Variants in CNTNAP2 observed in about 807,000 individuals in gnomAD.
CNTNAP2 encodes contactin associated protein 2, also known as contactin-associated protein-like 2.
Under a neutral mutation model 155.2 loss-of-function variants are expected in CNTNAP2, and 98 were observed. The ratio of observed to expected loss-of-function variants is 0.63; its 90% CI spans 0.54 to 0.75. The LOEUF is 0.75. Among genes scored for constraint, CNTNAP2 ranks in the 30% least tolerant of loss-of-function variants. CNTNAP2 has a pLI of 0.00. For missense variants in CNTNAP2, 1,727 were observed against 1,688.1 expected (o/e 1.02, Z -0.40); for synonymous variants, 651 against 631.2 (o/e 1.03, Z -0.47).
intron 19 of CNTNAP2, among the ~76,000 whole-genome samples, chr7:148,227,830 A>C (rs1043611407): frequency 5.9e-5 from 9 of 151,996 alleles, no homozygotes; most frequent in Admixed American, 2.0e-4. Flanking sequence ...TTCCTTTGAA[A>C]TCCAGGAACA....
At chr7:147,566,334 G>A (rs986734744) in intron 12 of CNTNAP2, among the ~76,000 whole-genome samples, 6 of 127,744 alleles carry the variant, frequency 4.7e-5, no homozygotes, top group African/African-American at 8.9e-5. Flanking sequence ...AGGGGTAGAG[G>A]GAGGGGGAGG....
chr7:146,314,619 C>T (rs1004595267), intron 1 of CNTNAP2, among the ~76,000 whole-genome samples: 6 of 152,060 alleles, frequency 3.9e-5, no homozygotes, highest in Non-Finnish European at 7.4e-5. Context: ...GATTCAGGAG[C>T]GTGGAGTTCT....
chr7:147,790,666 C>T (rs76977067), intron 13 of CNTNAP2, among the ~76,000 whole-genome samples: 7,323 of 152,308 alleles, frequency 0.048, 249 homozygotes, highest in Middle Eastern at 0.099. Context: ...ATTCAATATT[C>T]GCCATCATTT....
chr7:146,774,233 G>A, intron 1 of CNTNAP2, 38 bp from the exon 2 acceptor site: 4 of 1,459,732 alleles, frequency 2.7e-6, no homozygotes, highest in South Asian at 2.3e-5. Context: ...CGAAATCGTT[G>A]TTGAGTGTCT....
At chr7:146,804,205 T>G (rs772737971) in intron 2 of CNTNAP2, among the ~76,000 whole-genome samples, 86 of 152,202 alleles carry the variant, frequency 5.7e-4, no homozygotes, top group Non-Finnish European at 1.1e-3. Flanking sequence ...AGAGATACTG[T>G]AATCATATGA....
At chr7:146,169,589 C>G (rs528483091) in intron 1 of CNTNAP2, among the ~76,000 whole-genome samples, 1 of 152,056 alleles carries the variant, frequency 6.6e-6, no homozygotes, top group African/African-American at 2.4e-5. Context: ...ACATTTGATT[C>G]TCAGAACTTA....
chr7:147,641,997 GGTGT>G (rs1216608708), intron 13 of CNTNAP2, among the ~76,000 whole-genome samples: 1 of 140,346 alleles, frequency 7.1e-6, no homozygotes, highest in African/African-American at 2.6e-5. Flanking sequence ...ACTTATCATA[GGTGT>G]GTGTGTGTGC....
At chr7:147,741,644 C>T (rs74616546) in intron 13 of CNTNAP2, among the ~76,000 whole-genome samples, 4,791 of 152,266 alleles carry the variant, frequency 0.031, 240 homozygotes, top group African/African-American at 0.11. Context: ...TATACTACCA[C>T]TGGAGTGTCA....
chr7:146,420,209 GAATTGGTT>G (rs977690092), intron 1 of CNTNAP2, among the ~76,000 whole-genome samples: 151 of 152,176 alleles, frequency 9.9e-4, no homozygotes, highest in African/African-American at 3.5e-3. Context: ...AGGTAACTTT[GAATTGGTT>G]AAAAAACCCA....
intron 13 of CNTNAP2, among the ~76,000 whole-genome samples, chr7:147,673,789 T>C (rs1429923738): frequency 1.3e-5 from 2 of 152,158 alleles, no homozygotes; most frequent in Non-Finnish European, 2.9e-5. Context: ...ATAATAGGAA[T>C]TTAAATGAAT....
rs906364306 is a variant in CNTNAP2 at position 148,313,359 on chromosome 7, C to A, written c.3475+46233C>A. Among the ~76,000 whole-genome samples, 22 of 151,644 alleles carry A rather than the reference C, an allele frequency of 1.5e-4. 1 individual carries two copies. The highest frequency in any genetic ancestry group is 3.9e-4 in the Admixed American group (6 of 15,208). ...GAAGATCTGGGAAGGAGTCAGAGAG[C>A]CTTAGGCCAGAGTTCCAGGGGCTCT... On this transcript the variant is annotated intron_variant, in intron 21 of 23. Transcript: ENST00000361727.
intron 19 of CNTNAP2, among the ~76,000 whole-genome samples, chr7:148,228,212 T>G (rs545891159): frequency 6.6e-6 from 1 of 152,278 alleles, no homozygotes; most frequent in Non-Finnish European, 1.5e-5. Flanking sequence ...AATTCCAATT[T>G]GAGTAACAAA....
At chr7:146,802,323 C>T (rs1280589068) in intron 2 of CNTNAP2, among the ~76,000 whole-genome samples, 7 of 152,232 alleles carry the variant, frequency 4.6e-5, no homozygotes, top group Admixed American at 3.3e-4. Flanking sequence ...CAATGGAAAA[C>T]CCCCCTTACA....
chr7:147,182,255 C>T (rs959678772), intron 8 of CNTNAP2, among the ~76,000 whole-genome samples: 1 of 151,778 alleles, frequency 6.6e-6, no homozygotes, highest in Non-Finnish European at 1.5e-5. Context: ...TGTGATAGTA[C>T]AGCCCATTAA....
chr7:146,841,790 T>G (rs1167033083), intron 3 of CNTNAP2, among the ~76,000 whole-genome samples: 1 of 152,094 alleles, frequency 6.6e-6, no homozygotes, highest in Non-Finnish European at 1.5e-5. Context: ...TGAACTTTAA[T>G]GTATCTGTCA....
At chr7:146,525,664 C>T (rs2129138133) in intron 1 of CNTNAP2, among the ~76,000 whole-genome samples, 1 of 152,114 alleles carries the variant, frequency 6.6e-6, no homozygotes, top group African/African-American at 2.4e-5. Context: ...AAGATATGTG[C>T]TTCAGTGACA....
At chr7:147,454,464 T>C (rs1213160365) in intron 10 of CNTNAP2, among the ~76,000 whole-genome samples, 3 of 152,180 alleles carry the variant, frequency 2.0e-5, no homozygotes, top group African/African-American at 4.8e-5. Context: ...TTGGGATATA[T>C]ATTCAGTATA....
intron 2 of CNTNAP2, among the ~76,000 whole-genome samples, chr7:146,799,716 T>C (rs926059294): frequency 1.3e-5 from 2 of 152,230 alleles, no homozygotes; most frequent in African/African-American, 4.8e-5. Context: ...AGTGAGATTT[T>C]AGCCTAATAC....
At chr7:147,816,474 A>G (rs1172059745) in intron 13 of CNTNAP2, among the ~76,000 whole-genome samples, 1 of 152,198 alleles carries the variant, frequency 6.6e-6, no homozygotes, top group Non-Finnish European at 1.5e-5. Flanking sequence ...ATGGAAATGT[A>G]GGGTAAAAAA....
Sources: allele counts gnomAD v4.1 joint callset (sites outside exome capture counted in the v4.1 genomes callset), GRCh38; gene constraint gnomAD v4.1.1; transcripts MANE v1.5; gene names NCBI Gene and HGNC (gene_info 2026-07-23, HGNC 2026-07-21).